IKZF2: variants seen among roughly 807,000 people sequenced by gnomAD.
The protein encoded by IKZF2 is zinc finger protein Helios.
A neutral mutation model predicts 49.2 loss-of-function variants in IKZF2; 15 were observed. That is an observed-to-expected ratio of 0.30 (90% CI 0.20 to 0.47). The LOEUF (loss-of-function observed/expected upper bound fraction) is 0.47, where lower values mean the gene tolerates loss of function less well. IKZF2 is among the 20% of genes least tolerant of loss of function. The probability of loss-of-function intolerance (pLI) is 1.00; values close to 1 mark genes in which losing one functional copy is unlikely to be tolerated. For missense variants in IKZF2, 567 were observed against 664.6 expected, an observed-to-expected ratio of 0.85 and a Z score of 1.61; for synonymous variants, 227 against 221.4, an observed-to-expected ratio of 1.03 and a Z score of -0.23.
chr2:213,150,525 A>G, intron 1 of IKZF2: 1 of 237,100 alleles, frequency 4.2e-6, no homozygotes, highest in South Asian at 5.3e-5. Flanking sequence ...TCCCTTAGGG[A>G]TGGTCTAGTA....
intron 7 of IKZF2, among the ~76,000 whole-genome samples, chr2:213,021,175 T>C (rs1270170371): frequency 3.3e-5 from 5 of 151,864 alleles, no homozygotes; most frequent in Non-Finnish European, 7.4e-5. Context: ...ATCGTGCCAC[T>C]GCACTCCAGC....
intron 4 of IKZF2, among the ~76,000 whole-genome samples, chr2:213,140,356 A>C (rs1337018364): frequency 1.3e-5 from 2 of 151,974 alleles, no homozygotes; most frequent in Non-Finnish European, 2.9e-5. Context: ...AATTCTATAC[A>C]AAATCATTTT....
intron 4 of IKZF2, chr2:213,097,912 C>T: frequency 4.3e-6 from 1 of 231,284 alleles, no homozygotes; most frequent in Non-Finnish European, 9.1e-6. Flanking sequence ...TGGCAAGGAA[C>T]AGAAGTATAT....
At chr2:213,110,542 C>G (rs2059671993) in intron 4 of IKZF2, among the ~76,000 whole-genome samples, 1 of 151,172 alleles carries the variant, frequency 6.6e-6, no homozygotes, top group East Asian at 1.9e-4. Flanking sequence ...TTGGATATAC[C>G]TAATTTATTT....
intron 6 of IKZF2, among the ~76,000 whole-genome samples, chr2:213,042,872 A>T (rs926852269): frequency 6.6e-6 from 1 of 151,982 alleles, no homozygotes; most frequent in Non-Finnish European, 1.5e-5. Flanking sequence ...CAAAATATAT[A>T]TTACATTTAT....
intron 4 of IKZF2, among the ~76,000 whole-genome samples, chr2:213,108,355 C>A (rs1294256136): frequency 6.6e-6 from 1 of 152,076 alleles, no homozygotes; most frequent in African/African-American, 2.4e-5. Flanking sequence ...TTATGTACTA[C>A]TTCTGCCATC....
intron 4 of IKZF2, among the ~76,000 whole-genome samples, chr2:213,099,447 C>A (rs1270279969): frequency 1.3e-5 from 2 of 151,680 alleles, no homozygotes; most frequent in Non-Finnish European, 3.0e-5. Flanking sequence ...TTTTTGTGAT[C>A]ATCAACAATT....
chr2:213,086,553 C>T (rs767160994), intron 4 of IKZF2, among the ~76,000 whole-genome samples: 4 of 152,116 alleles, frequency 2.6e-5, no homozygotes, highest in Non-Finnish European at 4.4e-5. Context: ...ATTTTTCACA[C>T]ATAAACACTA....
At chr2:213,063,470 G>T (rs1701887829) in intron 4 of IKZF2, among the ~76,000 whole-genome samples, 1 of 151,736 alleles carries the variant, frequency 6.6e-6, no homozygotes, top group Non-Finnish European at 1.5e-5. Context: ...TCTAAAATAT[G>T]GGGGGAAATA....
chr2:213,053,238 T>C (rs1700841489), intron 5 of IKZF2, among the ~76,000 whole-genome samples: 1 of 152,160 alleles, frequency 6.6e-6, no homozygotes, highest in Non-Finnish European at 1.5e-5. Flanking sequence ...AGGAAAATAA[T>C]TAAGATATGG....
At chr2:213,151,253 T>A (rs531410116) in intron 1 of IKZF2, among the ~76,000 whole-genome samples, 160 bp downstream of exon 1, 2 of 152,228 alleles carry the variant, frequency 1.3e-5, no homozygotes, top group Non-Finnish European at 2.9e-5. Context: ...AACAAGTCAT[T>A]TGATCACATC....
In IKZF2 at chr2:213,007,557, T is replaced by C; in HGVS notation, c.1384A>G (p.Asn462Asp). ...GSLKDIYKVF[N>D]GEGEQIRAFK... ...GCCCTAATCTGTTCTCCTTCTCCAT[T>C]GAAGACCTTGTAGATGTCCTTCAGA... Residue 462 changes from asparagine to aspartate, a missense_variant, in exon 9 of 9, where the codon AAT becomes GAT. This residue lies in a region of IKZF2 where 310 missense variants were observed against 326.9 expected (regional missense o/e 0.95). Coordinates refer to ENST00000434687, the MANE Select transcript of IKZF2 (RefSeq NM_001387220.1). The C allele has an allele frequency of 6.2e-7, 1 of 1,613,698 alleles. No homozygotes were observed. Among genetic ancestry groups the C allele is most frequent in the Non-Finnish European group, 8.5e-7 (1 of 1,179,726 alleles).
chr2:213,142,448 A>G (rs2060908400), intron 4 of IKZF2, among the ~76,000 whole-genome samples: 1 of 152,014 alleles, frequency 6.6e-6, no homozygotes, highest in Non-Finnish European at 1.5e-5. Flanking sequence ...CTTACAAGTC[A>G]TAGGTCCATA....
At chr2:213,013,624 AGTGTG>A (rs1206722803) in intron 8 of IKZF2, among the ~76,000 whole-genome samples, 162 bp downstream of exon 8, 2 of 151,938 alleles carry the variant, frequency 1.3e-5, no homozygotes, top group East Asian at 3.9e-4. Flanking sequence ...TGTTGGTGTA[AGTGTG>A]GTGTACACAG....
chr2:213,098,875 C>A (rs948829959), intron 4 of IKZF2, among the ~76,000 whole-genome samples: 5 of 152,126 alleles, frequency 3.3e-5, no homozygotes, highest in Non-Finnish European at 7.4e-5. Flanking sequence ...CAAAATCCAA[C>A]ACATGCAGGC....
intron 4 of IKZF2, among the ~76,000 whole-genome samples, chr2:213,139,482 A>G (rs2060793219): frequency 6.6e-6 from 1 of 151,996 alleles, no homozygotes; most frequent in South Asian, 2.1e-4. Flanking sequence ...GATTACCCAT[A>G]TAGGTCAGTT....
chr2:213,065,128 T>C (rs1462127417), intron 4 of IKZF2, among the ~76,000 whole-genome samples: 1 of 152,030 alleles, frequency 6.6e-6, no homozygotes, highest in Non-Finnish European at 1.5e-5. Flanking sequence ...TTACTAGGTT[T>C]TTTTGTTTTT....
At chr2:213,036,243 GA>G in intron 6 of IKZF2, among the ~76,000 whole-genome samples, 1 of 152,198 alleles carries the variant, frequency 6.6e-6, no homozygotes, top group East Asian at 1.9e-4. Context: ...AAAATAAGGT[GA>G]AAGTATAATC....
intron 5 of IKZF2, among the ~76,000 whole-genome samples, chr2:213,051,657 T>C (rs1370108363): frequency 6.6e-6 from 1 of 151,920 alleles, no homozygotes; most frequent in African/African-American, 2.4e-5. Flanking sequence ...TGCAACTTTT[T>C]AAATCAAGAA....
Sources: allele counts gnomAD v4.1 joint callset (sites outside exome capture counted in the v4.1 genomes callset), GRCh38; gene constraint gnomAD v4.1.1; regional missense constraint gnomAD v4.1.1; transcripts MANE v1.5; gene names NCBI Gene and HGNC (gene_info 2026-07-23, HGNC 2026-07-21).